The following OTOGL variants were observed in gnomAD, a reference collection of about 807,000 sequenced individuals.
OTOGL encodes otogelin like.
A neutral mutation model predicts 318.5 loss-of-function variants in OTOGL; 285 were observed. That is an observed-to-expected ratio of 0.89 (90% CI 0.81 to 0.99). The LOEUF is 0.99. OTOGL is among the 50% of genes least tolerant of loss of function. OTOGL has a pLI of 0.00. For missense variants in OTOGL, 2,899 were observed against 2,845.6 expected (o/e 1.02, Z -0.43); for synonymous variants, 987 against 936.5 (o/e 1.05, Z -0.99).
intron 11 of OTOGL, among the ~76,000 whole-genome samples, chr12:80,251,245 G>A (rs1266057500): frequency 6.6e-6 from 1 of 152,140 alleles, no homozygotes; most frequent in Non-Finnish European, 1.5e-5. Context: ...GGATAATCAA[G>A]AGTATGATCT....
At chr12:80,212,272 G>A (rs1343652005) in intron 4 of OTOGL, among the ~76,000 whole-genome samples, 1 of 151,940 alleles carries the variant, frequency 6.6e-6, no homozygotes, top group Non-Finnish European at 1.5e-5. Flanking sequence ...TTAATTCCAT[G>A]CACTTGCCAG....
At chr12:80,150,994 A>T (rs1014202140) in intron 1 of OTOGL, among the ~76,000 whole-genome samples, 6 of 152,222 alleles carry the variant, frequency 3.9e-5, no homozygotes, top group African/African-American at 1.4e-4. Flanking sequence ...AATAGGAATC[A>T]CAATAAAATT....
At chr12:80,128,741 G>T (rs552756301) in intron 1 of OTOGL, among the ~76,000 whole-genome samples, 1 of 152,110 alleles carries the variant, frequency 6.6e-6, no homozygotes, top group Non-Finnish European at 1.5e-5. Flanking sequence ...TGGCAATGTC[G>T]GGCACCCGTC....
intron 26 of OTOGL, among the ~76,000 whole-genome samples, chr12:80,290,336 G>A (rs1040529859): frequency 4.0e-5 from 6 of 151,234 alleles, no homozygotes; most frequent in African/African-American, 7.3e-5. Context: ...GTTCCTATTC[G>A]GCCATCTTGC....
chr12:80,323,127 CACACACACACACACACACACAT>C (rs1167034009), intron 34 of OTOGL, among the ~76,000 whole-genome samples: 36 of 128,638 alleles, frequency 2.8e-4, no homozygotes, highest in East Asian at 1.6e-3. Context: ...CACACACACA[CACACACACACACACACACACAT>C]ATATAAAATA....
chr12:80,133,702 A>G (rs1871375352), intron 1 of OTOGL: 1 of 152,304 alleles, frequency 6.6e-6, no homozygotes, highest in Non-Finnish European at 1.5e-5. Context: ...TGCCTGTAAT[A>G]TCAGCACTTT....
chr12:80,334,254 A>T (rs922005464), intron 38 of OTOGL, among the ~76,000 whole-genome samples: 5 of 152,186 alleles, frequency 3.3e-5, no homozygotes, highest in African/African-American at 1.2e-4. Context: ...AAGTGTGAGT[A>T]AAAGGGAAGC....
At position 80,318,664 on chromosome 12, in the gene OTOGL, AT is replaced by A. The variant is rs1064795124; in HGVS notation, c.3760del (p.Tyr1254IlefsTer3). On this transcript the variant is annotated frameshift_variant, in exon 33 of 59. Coordinates refer to ENST00000547103, the MANE Select transcript of OTOGL (RefSeq NM_001378609.3). LOFTEE classifies it high-confidence loss of function. Reference sequence around the variant, plus strand: ...CGAGAAGCAGTGTTCATACCAGTTTATTTTTTTATTTTATGATCACTCCAGG... The same window carrying A: ...CGAGAAGCAGTGTTCATACCAGTTTATTTTTTATTTTATGATCACTCCAGG... ...LPRSSVHTSL[F>X]FYFMITPGLF... is the part of the protein sequence containing the mutation. 18 of 1,440,390 alleles carry A rather than the reference AT, an allele frequency of 1.2e-5. No individual in the cohort carries two copies. Among genetic ancestry groups the A allele is most frequent in the Admixed American group, 5.6e-5 (2 of 35,474 alleles). 89.2% of individuals were successfully genotyped at this position (1,440,390 alleles called of 1,614,324 possible). A position where few individuals can be genotyped will look rare whatever the true frequency, so the allele number is the denominator to read the frequency against.
At chr12:80,374,293 T>C (rs1224765404) in intron 57 of OTOGL, among the ~76,000 whole-genome samples, 2 of 152,112 alleles carry the variant, frequency 1.3e-5, no homozygotes, top group Non-Finnish European at 2.9e-5. Flanking sequence ...CCAGTAATAT[T>C]GAATTAGCAC....
chr12:80,303,755 A>G (rs1351346775), intron 28 of OTOGL, among the ~76,000 whole-genome samples: 2 of 151,974 alleles, frequency 1.3e-5, no homozygotes, highest in Non-Finnish European at 2.9e-5. Flanking sequence ...TGTCATGAGA[A>G]CTCCCTCACT....
At chr12:80,237,029 A>G (rs1027865862) in intron 9 of OTOGL, among the ~76,000 whole-genome samples, 1 of 151,750 alleles carries the variant, frequency 6.6e-6, no homozygotes, top group African/African-American at 2.4e-5. Flanking sequence ...TGGCCAGGCC[A>G]GTCTCGTACT....
chr12:80,315,302 G>T (rs73152137), intron 32 of OTOGL, among the ~76,000 whole-genome samples: 27 of 152,214 alleles, frequency 1.8e-4, no homozygotes, highest in Non-Finnish European at 3.7e-4. Context: ...ATATTACCAG[G>T]ATAAGAACTT....
chr12:80,364,253 T>G (rs961259272), intron 52 of OTOGL, among the ~76,000 whole-genome samples: 1 of 152,148 alleles, frequency 6.6e-6, no homozygotes, highest in Non-Finnish European at 1.5e-5. Context: ...ATCTGACTCA[T>G]TGTTCCTGAG....
chr12:80,244,951 T>A (rs1243136350), intron 11 of OTOGL, among the ~76,000 whole-genome samples: 1 of 148,842 alleles, frequency 6.7e-6, no homozygotes, highest in African/African-American at 2.6e-5. Flanking sequence ...GTTTTTTGGC[T>A]GCATAAATGT....
intron 15 of OTOGL, 65 bp downstream of exon 15, chr12:80,254,635 C>A: frequency 7.7e-7 from 1 of 1,297,782 alleles, no homozygotes; most frequent in Non-Finnish European, 1.1e-6. Context: ...AGAAAGATAG[C>A]ACTGATCTTT....
intron 52 of OTOGL, among the ~76,000 whole-genome samples, chr12:80,359,287 T>A (rs1890102838): frequency 6.6e-6 from 1 of 152,178 alleles, no homozygotes; most frequent in Non-Finnish European, 1.5e-5. Flanking sequence ...TGGAACAGCC[T>A]GTTTCTTCTT....
chr12:80,126,837 G>A (rs995686737), intron 1 of OTOGL, among the ~76,000 whole-genome samples: 1 of 152,132 alleles, frequency 6.6e-6, no homozygotes, highest in African/African-American at 2.4e-5. Context: ...TTTAAAGTCT[G>A]TTTTATCAGA....
At chr12:80,270,721 A>G (rs1883345256) in intron 23 of OTOGL, among the ~76,000 whole-genome samples, 2 of 152,122 alleles carry the variant, frequency 1.3e-5, no homozygotes, top group South Asian at 2.1e-4. Context: ...GTAAAATGAC[A>G]TCCACTGTTA....
chr12:80,231,827 C>T lies in OTOGL; in HGVS notation c.612-1065C>T, dbSNP rs1453950117. Among the ~76,000 whole-genome samples the T allele has an allele frequency of 6.1e-5, 9 of 148,092 alleles. No individual in the cohort carries two copies. In the East Asian group the frequency reaches 1.4e-3, roughly 23 times the overall value. ...TTTTTTTTTTTTTTTGAAGTAGAGA[C>T]GGGGTTTCACTGTGTTGGCCAGTCT... On this transcript the variant is annotated intron_variant, in intron 8 of 58. Transcript: ENST00000547103.
Sources: gnomAD v4.1 joint callset for allele counts (sites outside exome capture counted in the v4.1 genomes callset) on GRCh38, gnomAD v4.1.1 for gene constraint, MANE v1.5 for transcripts, NCBI Gene and HGNC (gene_info 2026-07-23, HGNC 2026-07-21) for gene names.